DHCR24: variants seen among roughly 807,000 people sequenced by gnomAD.
DHCR24 encodes the protein delta(24)-sterol reductase.
Under a neutral mutation model 61.2 loss-of-function variants are expected in DHCR24, and 28 were observed. That is an observed-to-expected ratio of 0.46 (90% CI 0.34 to 0.63). DHCR24 has a LOEUF of 0.63. DHCR24 is among the 20% of genes least tolerant of loss of function. DHCR24 has a pLI of 0.01. For missense variants in DHCR24, 538 were observed against 679.1 expected, an observed-to-expected ratio of 0.79 and a Z score of 2.31; for synonymous variants, 261 against 275.9, an observed-to-expected ratio of 0.95 and a Z score of 0.54.
rs531618523 is a variant in DHCR24 at position 54,849,809 on chromosome 1, A to G, written c.*2424T>C. ...AAAATCACACACCATACACTGCCAC[A>G]CCCATCTCCACCCCTCCCTTTCAGT... On this transcript the variant is annotated 3_prime_UTR_variant, in exon 9 of 9. Coordinates refer to ENST00000371269, the MANE Select transcript of DHCR24 (RefSeq NM_014762.4). The G allele has an allele frequency of 1.2e-4, 19 of 152,652 alleles. No homozygotes were observed. Among genetic ancestry groups the G allele is most frequent in the African/African-American group, 3.4e-4 (14 of 41,508 alleles). 9.5% of individuals were successfully genotyped at this position (152,652 alleles called of 1,614,324 possible).
Position 54,850,020 on chromosome 1 carries a change from A to T in DHCR24, c.*2213T>A, listed in dbSNP as rs958890684. On this transcript the variant is annotated 3_prime_UTR_variant, in exon 9 of 9. Coordinates refer to ENST00000371269, the MANE Select transcript of DHCR24 (RefSeq NM_014762.4). ...AAAACCATCACATGGATGGCCAGGG[A>T]CAGGACTGGCTACAAAAAAAAGCCA... 2 of 152,332 alleles carry T rather than the reference A, an allele frequency of 1.3e-5. No homozygotes were observed. The highest frequency in any genetic ancestry group is 2.9e-5 in the Non-Finnish European group (2 of 68,044). The allele number at this position is 152,332 out of a possible 1,614,324, so 9.4% of individuals were successfully genotyped here.
rs1295183777 is a variant in DHCR24 at position 54,887,097 on chromosome 1, G to A, written c.23C>T (p.Ala8Val). The A allele has an allele frequency of 1.9e-6, 3 of 1,597,130 alleles. No individual in the cohort carries two copies. The highest frequency in any genetic ancestry group is 1.8e-5 in the Admixed American group (1 of 56,696). Residue 8 changes from alanine to valine, a missense_variant, in exon 1 of 9, where the codon GCC becomes GTC. Physicochemically the swap from Ala to Val is moderately conservative, Grantham distance 64 (BLOSUM62 0). Coordinates refer to ENST00000371269, the MANE Select transcript of DHCR24 (RefSeq NM_014762.4). ...CAGCAGGAAGAGCAGCGCGCACACG[G>A]CCAGCGACACGGCGGGCTCCATGGT... MEPAVSL[A>V]VCALLFLLWV... is the part of the protein sequence containing the mutation.
At chr1:54,878,389 C>T (rs1192784984) in intron 2 of DHCR24, among the ~76,000 whole-genome samples, 1 of 151,608 alleles carries the variant, frequency 6.6e-6, no homozygotes, top group African/African-American at 2.4e-5. Context: ...TGGTGGGTGC[C>T]TGTAATCCCA....
intron 6 of DHCR24, among the ~76,000 whole-genome samples, chr1:54,855,161 G>A (rs978980619): frequency 3.3e-5 from 5 of 152,118 alleles, no homozygotes; most frequent in African/African-American, 4.8e-5. Context: ...TTGGGAGGCC[G>A]AGGCAGATGG....
Position 54,851,993 on chromosome 1 carries a change from C to G in DHCR24, c.*240G>C. On this transcript the variant is annotated 3_prime_UTR_variant, in exon 9 of 9. Transcript: ENST00000371269. ...GTTAAGGGACTCACCCAGAGTCACA[C>G]AGCTAATGAGTTCTAAACGGGGAAC... 1 of 571,058 alleles carries G rather than the reference C, an allele frequency of 1.8e-6. No individual in the cohort carries two copies. The highest frequency in any genetic ancestry group is 2.0e-5 in the South Asian group (1 of 49,758). 35.4% of individuals were successfully genotyped at this position (571,058 alleles called of 1,614,324 possible). A position where few individuals can be genotyped will look rare whatever the true frequency, so the allele number is the denominator to read the frequency against.
chr1:54,881,166 TA>T (rs1485718759), intron 2 of DHCR24, among the ~76,000 whole-genome samples: 1 of 152,058 alleles, frequency 6.6e-6, no homozygotes, highest in Non-Finnish European at 1.5e-5. Flanking sequence ...AAAAACTAAA[TA>T]AAGCTTCTGG....
At chr1:54,862,042 G>A (rs1411501971) in intron 6 of DHCR24, among the ~76,000 whole-genome samples, 2 of 151,996 alleles carry the variant, frequency 1.3e-5, no homozygotes, top group Admixed American at 6.6e-5. Context: ...CTTTCCATGT[G>A]CCCATCAAAA....
intron 2 of DHCR24, among the ~76,000 whole-genome samples, chr1:54,880,779 TAAACAAACAAAC>T (rs34524631): frequency 4.0e-5 from 6 of 150,364 alleles, no homozygotes; most frequent in Non-Finnish European, 8.9e-5. Context: ...AACAAAAATA[TAAACAAACAAAC>T]AAACAAACAA....
intron 5 of DHCR24, among the ~76,000 whole-genome samples, chr1:54,869,110 T>A (rs1360901130): frequency 6.6e-6 from 1 of 152,062 alleles, no homozygotes; most frequent in Admixed American, 6.6e-5. Flanking sequence ...GTGAACCAAG[T>A]GATCACTGCT....
intron 4 of DHCR24, among the ~76,000 whole-genome samples, chr1:54,874,274 CACTCACTG>C (rs1305025949): frequency 6.6e-6 from 1 of 152,228 alleles, no homozygotes; most frequent in African/African-American, 2.4e-5. Flanking sequence ...ACTCACCACT[CACTCACTG>C]ACTCACCCAG....
chr1:54,884,348 G>A lies in DHCR24; in HGVS notation c.232-575C>T, dbSNP rs926008060. Among the ~76,000 whole-genome samples, 6 of 152,204 alleles carry A rather than the reference G, an allele frequency of 3.9e-5. No individual in the cohort carries two copies. The South Asian group carries it at 1.0e-3, about 26-fold the overall frequency. On this transcript the variant is annotated intron_variant, in intron 1 of 8. Coordinates refer to ENST00000371269, the MANE Select transcript of DHCR24 (RefSeq NM_014762.4). ...CAGTTCACAGGGTAATAGCTAACAC[G>A]TATGGAGGCTTATCACATGCCAAGG...
At chr1:54,863,694 G>C (rs1646951053) in intron 6 of DHCR24, among the ~76,000 whole-genome samples, 1 of 152,116 alleles carries the variant, frequency 6.6e-6, no homozygotes, top group Non-Finnish European at 1.5e-5. Flanking sequence ...AGGGAAAATA[G>C]ATAAATTGGA....
intron 6 of DHCR24, among the ~76,000 whole-genome samples, chr1:54,864,539 A>C (rs993271621): frequency 3.9e-5 from 6 of 152,220 alleles, no homozygotes; most frequent in Non-Finnish European, 7.3e-5. Context: ...AGGGGAGAGA[A>C]TAGGGAGTGG....
At chr1:54,877,152 C>T (rs1647038256) in intron 2 of DHCR24, among the ~76,000 whole-genome samples, 1 of 151,868 alleles carries the variant, frequency 6.6e-6, no homozygotes, top group African/African-American at 2.4e-5. Context: ...CTGAGCAGTT[C>T]CCAGCTTGAC....
intron 2 of DHCR24, among the ~76,000 whole-genome samples, chr1:54,877,430 T>A: frequency 6.7e-6 from 1 of 150,166 alleles, no homozygotes; most frequent in Admixed American, 6.6e-5. Flanking sequence ...AAAAAAAACC[T>A]GACAAAATAT....
intron 5 of DHCR24, among the ~76,000 whole-genome samples, chr1:54,869,278 G>T (rs1050845652): frequency 3.3e-5 from 5 of 152,130 alleles, no homozygotes; most frequent in African/African-American, 1.2e-4. Context: ...AGGGAAAAAG[G>T]TGTTCTCACA....
chr1:54,877,822 C>T (rs1647041779), intron 2 of DHCR24, among the ~76,000 whole-genome samples: 2 of 151,714 alleles, frequency 1.3e-5, no homozygotes, highest in Admixed American at 6.6e-5. Context: ...ACCAGCCCGA[C>T]AACATGGCAA....
intron 6 of DHCR24, among the ~76,000 whole-genome samples, chr1:54,859,845 T>C (rs1268936308): frequency 1.3e-5 from 2 of 152,234 alleles, no homozygotes; most frequent in East Asian, 3.8e-4. Flanking sequence ...CCACTGCTGT[T>C]ATCTTTCTGA....
At chr1:54,859,368 G>A (rs773436561) in intron 6 of DHCR24, among the ~76,000 whole-genome samples, 1 of 152,134 alleles carries the variant, frequency 6.6e-6, no homozygotes, top group African/African-American at 2.4e-5. Context: ...TATAATAAAT[G>A]TTTGCTGCTT....
Sources: allele counts gnomAD v4.1 joint callset (sites outside exome capture counted in the v4.1 genomes callset), GRCh38; gene constraint gnomAD v4.1.1; transcripts MANE v1.5; gene names NCBI Gene and HGNC (gene_info 2026-07-23, HGNC 2026-07-21).